Variants in THOP1 observed in about 807,000 individuals in gnomAD.
THOP1 encodes thimet oligopeptidase 1.
Under a neutral mutation model 71.8 loss-of-function variants are expected in THOP1, and 49 were observed. The observed-to-expected ratio is 0.68, with a 90% CI of 0.54 to 0.87. THOP1 has a LOEUF of 0.87. Among genes scored for constraint, THOP1 ranks in the 40% least tolerant of loss-of-function variants. The pLI is 0.00. For synonymous variants in THOP1, 426 were observed against 421.5 expected (o/e 1.01, Z -0.13); for missense variants, 843 against 975.6 (o/e 0.86, Z 1.81).
chr19:2,803,416 C>A lies in THOP1; in HGVS notation c.590-1600C>A, dbSNP rs368414212. ...TCTGGGAGTTCAGGGCCACAGTGAA[C>A]GTGAACTATGCATTCGTGAACTATC... On this transcript the variant is annotated intron_variant, in intron 5 of 12. Coordinates refer to ENST00000307741, the MANE Select transcript of THOP1 (RefSeq NM_003249.5). Among the ~76,000 whole-genome samples, 8 of 152,304 alleles carry A rather than the reference C, an allele frequency of 5.3e-5. No individual in the cohort carries two copies. The East Asian group carries it at 1.2e-3, about 22-fold the overall frequency.
chr19:2,811,100 C>T (rs758514835), intron 11 of THOP1, among the ~76,000 whole-genome samples: 5 of 152,226 alleles, frequency 3.3e-5, no homozygotes, highest in East Asian at 1.9e-4. Context: ...TAGGAATTTC[C>T]GATCCTAATG....
intron 5 of THOP1, among the ~76,000 whole-genome samples, chr19:2,803,708 C>A (rs962379416): frequency 1.1e-4 from 16 of 152,182 alleles, no homozygotes; most frequent in African/African-American, 3.9e-4. Context: ...TGCAGTCACT[C>A]GGCAGACAAT....
intron 2 of THOP1, among the ~76,000 whole-genome samples, chr19:2,794,015 T>G (rs1243023561): frequency 1.4e-5 from 2 of 140,868 alleles, no homozygotes; most frequent in Non-Finnish European, 3.0e-5. Flanking sequence ...TTTTTTTTTT[T>G]CTTTTTTTTT....
chr19:2,796,851 C>T (rs1479164355), intron 4 of THOP1, among the ~76,000 whole-genome samples: 3 of 152,176 alleles, frequency 2.0e-5, no homozygotes, highest in Admixed American at 1.3e-4. Context: ...GGCTCGGTAA[C>T]GAGGGGAGCC....
chr19:2,796,938 G>A (rs902850525), intron 4 of THOP1, among the ~76,000 whole-genome samples: 1 of 152,192 alleles, frequency 6.6e-6, no homozygotes, highest in African/African-American at 2.4e-5. Context: ...AGCTGGGAGC[G>A]CAGCGCTGAA....
chr19:2,802,327 A>C (rs1031948730), intron 5 of THOP1, among the ~76,000 whole-genome samples: 4 of 94,592 alleles, frequency 4.2e-5, no homozygotes, highest in Admixed American at 1.1e-4. Context: ...ACTTCCCGAC[A>C]CCCCCACCTC....
At position 2,814,647 on chromosome 19, in the gene THOP1, C is replaced by G. The variant is rs1324312510; in HGVS notation, c.*1371C>G. Reference sequence around the variant, plus strand: ...CACCTGCTTCTGTGTCTTTCCAACTCTGGGGGCTAAGGGGTGAGTCTTGTC... The same window carrying G: ...CACCTGCTTCTGTGTCTTTCCAACTGTGGGGGCTAAGGGGTGAGTCTTGTC... On this transcript the variant is annotated 3_prime_UTR_variant, in exon 13 of 13. Transcript: ENST00000307741. 1 of 152,920 alleles carries G rather than the reference C, an allele frequency of 6.5e-6. No individual in the cohort carries two copies. Among genetic ancestry groups the G allele is most frequent in the Non-Finnish European group, 1.5e-5 (1 of 68,576 alleles). 9.5% of individuals were successfully genotyped at this position (152,920 alleles called of 1,614,324 possible).
At chr19:2,785,922 T>TG (rs1915730061) in intron 1 of THOP1, among the ~76,000 whole-genome samples, 1 of 152,148 alleles carries the variant, frequency 6.6e-6, no homozygotes, top group Admixed American at 6.5e-5. Flanking sequence ...TCGGGCCCCG[T>TG]GGCGGACCCT....
In THOP1 at chr19:2,785,783, C is replaced by T. The variant is rs148207838; in HGVS notation, c.16+105C>T. The T allele has an allele frequency of 6.0e-3, 6,904 of 1,158,940 alleles. 22 individuals are homozygous for T. The highest frequency in any genetic ancestry group is 8.2e-3 in the Admixed American group (197 of 23,966). 71.8% of individuals were successfully genotyped at this position (1,158,940 alleles called of 1,614,324 possible). The stretch of plus-strand genomic sequence containing the variant: ...TGGAGCGAAGCGACCCCCGAGCCAC[C>T]CTCGGCCGGGCTGGAGGGGCAGCGG... On this transcript the variant is annotated intron_variant, in intron 1 of 12. Transcript: ENST00000307741.
In THOP1 at chr19:2,806,979, G is replaced by T; in HGVS notation, c.813G>T (p.Gly271=). 1.2e-6 allele frequency: 2 copies of T among 1,613,088 alleles called. No homozygotes were observed. Among genetic ancestry groups the T allele is most frequent in the Non-Finnish European group, 1.7e-6 (2 of 1,179,846 alleles). Residue 271 remains glycine (G), a synonymous_variant, in exon 7 of 13, where the codon GGG becomes GGT. Coordinates refer to ENST00000307741, the MANE Select transcript of THOP1 (RefSeq NM_003249.5). ...TLRAQKSRLL[G]FHTHADYVLE... ...GGGCCCAGAAGTCCCGCCTGCTGGGGTTCCACACGCACGCCGACTATGTCC... is the reference window on the plus strand; with the variant it reads ...GGGCCCAGAAGTCCCGCCTGCTGGGTTTCCACACGCACGCCGACTATGTCC...
At position 2,799,796 on chromosome 19, in the gene THOP1, G is replaced by C; in HGVS notation, c.589+5G>C. 6.2e-7 allele frequency: 1 copy of C among 1,613,136 alleles called. No individual in the cohort carries two copies. Among genetic ancestry groups the C allele is most frequent in the Non-Finnish European group, 8.5e-7 (1 of 1,179,538 alleles). On this transcript the variant is annotated splice_donor_5th_base_variant and intron_variant, in intron 5 of 12. Transcript: ENST00000307741. Reference sequence around the variant, plus strand: ...CCTTCACGCTCCAGGAGCTAGGTAGGGGCCGAGCAGTGGGGCACGGGTGGC... The same window carrying C: ...CCTTCACGCTCCAGGAGCTAGGTAGCGGCCGAGCAGTGGGGCACGGGTGGC...
At chr19:2,800,751 C>T (rs1019012827) in intron 5 of THOP1, among the ~76,000 whole-genome samples, 1 of 152,146 alleles carries the variant, frequency 6.6e-6, no homozygotes, top group African/African-American at 2.4e-5. Context: ...GGAGAGACGA[C>T]GGGCTACAAT....
rs572418564 is a variant in THOP1, at chr19:2,788,165, C to T, written c.17-2256C>T. ...TTTTGCCTTCATACCTCACTGAATT[C>T]TTAGACAGTTCTTGTTCTCTGCACC... On this transcript the variant is annotated intron_variant, in intron 1 of 12. Coordinates refer to ENST00000307741, the MANE Select transcript of THOP1 (RefSeq NM_003249.5). 4.5e-3 allele frequency among the ~76,000 whole-genome samples: 692 copies of T among 152,306 alleles called. 2 individuals carry two copies. The highest frequency in any genetic ancestry group is 6.5e-3 in the Admixed American group (100 of 15,304).
chr19:2,802,196 G>A (rs1204056597), intron 5 of THOP1, among the ~76,000 whole-genome samples: 2 of 145,230 alleles, frequency 1.4e-5, no homozygotes, highest in African/African-American at 5.2e-5. Flanking sequence ...GCCGTCTCCC[G>A]ATACCTCCAC....
chr19:2,790,753 C>A, intron 2 of THOP1, 120 bp downstream of exon 2: 1 of 937,648 alleles, frequency 1.1e-6, no homozygotes, highest in Non-Finnish European at 1.5e-6. Flanking sequence ...CACCAGCACC[C>A]TGCCCCTGAG....
At position 2,813,244 on chromosome 19, in the gene THOP1, G is replaced by T. The variant is rs768556419; in HGVS notation, c.2038G>T (p.Gly680Trp). 6.2e-7 allele frequency: 1 copy of T among 1,610,954 alleles called. No individual in the cohort carries two copies. ...AFLLSKGLQV[G>W]GCEPEPQVC ...CCTCCTGAGCAAGGGGCTGCAGGTC[G>T]GGGGCTGCGAGCCCGAGCCGCAGGT... The change falls in exon 13 of 13, where the codon GGG (glycine) becomes TGG (tryptophan). Residue 680 changes from glycine (G) to tryptophan (W), a missense_variant. Coordinates refer to ENST00000307741, the MANE Select transcript of THOP1 (RefSeq NM_003249.5).
At chr19:2,806,786 G>C in intron 6 of THOP1, 131 bp from the exon 7 acceptor site, 1 of 1,500,352 alleles carries the variant, frequency 6.7e-7, no homozygotes, top group African/African-American at 1.4e-5. Context: ...TAGTAACACA[G>C]GCCGAGAGGG....
At chr19:2,791,437 C>T (rs963202613) in intron 2 of THOP1, among the ~76,000 whole-genome samples, 8 of 152,212 alleles carry the variant, frequency 5.3e-5, no homozygotes, top group African/African-American at 9.6e-5. Context: ...GGTTGGCCTC[C>T]GTGGCCCATG....
In THOP1 at chr19:2,785,534, C is replaced by T. The variant is rs995805663; in HGVS notation, c.-129C>T. On this transcript the variant is annotated 5_prime_UTR_variant, in exon 1 of 13. Coordinates refer to ENST00000307741, the MANE Select transcript of THOP1 (RefSeq NM_003249.5). ...CCCCGGGAGCGCGGGCGGCGGGCCC[C>T]TTGGTCCTCAGGCGGCCGTGGCGGC... 4.6e-5 allele frequency: 53 copies of T among 1,143,770 alleles called. No homozygotes were observed. Among genetic ancestry groups the T allele is most frequent in the Non-Finnish European group, 5.9e-5 (51 of 871,036 alleles). The allele number at this position is 1,143,770 out of a possible 1,614,324, so 70.9% of individuals were successfully genotyped here.
Sources: gnomAD v4.1 joint callset for allele counts (sites outside exome capture counted in the v4.1 genomes callset) on GRCh38, gnomAD v4.1.1 for gene constraint, MANE v1.5 for transcripts, NCBI Gene and HGNC (gene_info 2026-07-23, HGNC 2026-07-21) for gene names.